The following TRHDE variants were observed in gnomAD, a reference collection of about 807,000 sequenced individuals.
TRHDE encodes the protein thyrotropin releasing hormone degrading enzyme, also known as thyrotropin-releasing hormone-degrading ectoenzyme.
A neutral mutation model predicts 125.7 loss-of-function variants in TRHDE; 72 were observed. The ratio of observed to expected loss-of-function variants is 0.57; its 90% CI spans 0.47 to 0.70. The LOEUF (loss-of-function observed/expected upper bound fraction) is 0.70, where lower values mean the gene tolerates loss of function less well. Ranked by LOEUF, TRHDE falls within the 30% of genes least tolerant of loss-of-function variation. TRHDE has a pLI of 0.00. For missense variants in TRHDE, 1,110 were observed against 1,327.1 expected (o/e 0.84, Z 2.54); for synonymous variants, 509 against 509.1 (o/e 1.00, Z 0.00).
intron 2 of TRHDE, among the ~76,000 whole-genome samples, chr12:72,129,066 A>G (rs1221964896): frequency 6.6e-6 from 1 of 152,244 alleles, no homozygotes; most frequent in Non-Finnish European, 1.5e-5. Flanking sequence ...GTACAGAGGA[A>G]CAAAGAATAG....
At chr12:72,318,609 T>C (rs900552480) in intron 2 of TRHDE, among the ~76,000 whole-genome samples, 4 of 152,158 alleles carry the variant, frequency 2.6e-5, no homozygotes, top group Admixed American at 2.6e-4. Context: ...TCCCAGGTGT[T>C]AGAAGCTTCT....
At chr12:72,196,347 A>C (rs371418623) in intron 2 of TRHDE, among the ~76,000 whole-genome samples, 1 of 152,120 alleles carries the variant, frequency 6.6e-6, no homozygotes, top group Non-Finnish European at 1.5e-5. Context: ...GAATCTTCCA[A>C]TCCATGAGCA....
At position 72,286,787 on chromosome 12, in the gene TRHDE, G is replaced by A; in HGVS notation, c.1021G>A (p.Ala341Thr). The A allele has an allele frequency of 1.2e-6, 2 of 1,613,738 alleles. No homozygotes were observed. The highest frequency in any genetic ancestry group is 1.7e-6 in the Non-Finnish European group (2 of 1,179,962). ...ATFKISIKHQ[A>T]TYLSLSNMPV... The stretch of plus-strand genomic sequence containing the variant: ...TTTCAAAATCAGCATCAAGCATCAA[G>A]CAACCTATTTATCTTTATCTAATAT... Residue 341 changes from alanine (A) to threonine (T), a missense_variant, in exon 2 of 19, where the codon GCA becomes ACA. Transcript: ENST00000261180.
In TRHDE at chr12:72,598,845, T is replaced by C. The variant is rs148959968; in HGVS notation, c.2322-20046T>C. 2.8e-3 allele frequency among the ~76,000 whole-genome samples: 432 copies of C among 152,230 alleles called. 4 individuals are homozygous for C. The highest frequency in any genetic ancestry group is 9.3e-3 in the African/African-American group (386 of 41,540). On this transcript the variant is annotated intron_variant, in intron 12 of 18. Coordinates refer to ENST00000261180, the MANE Select transcript of TRHDE (RefSeq NM_013381.3). ...CCCATCAGCCAGATAATGATCATAG[T>C]ACTCAACAGTAAGTTTTTTAACCCT...
intron 2 of TRHDE, among the ~76,000 whole-genome samples, chr12:72,108,438 A>G (rs2139293469): frequency 6.6e-6 from 1 of 152,250 alleles, no homozygotes; most frequent in South Asian, 2.1e-4. Context: ...CAAACTCAGA[A>G]CACTGATACA....
chr12:72,446,350 T>C (rs1433360759), intron 3 of TRHDE, among the ~76,000 whole-genome samples: 3 of 151,796 alleles, frequency 2.0e-5, no homozygotes, highest in Admixed American at 2.0e-4. Flanking sequence ...GGAGAGCTCC[T>C]GAAGGAAGCA....
At chr12:72,087,278 A>C (rs1874691533) in exon 1 of TRHDE, 1 of 152,198 alleles carries the variant, frequency 6.6e-6, no homozygotes, top group Non-Finnish European at 1.5e-5. Context: ...AAGAGAAGGC[A>C]TTCCTGACCC....
At chr12:72,359,372 G>C (rs1042539165) in intron 2 of TRHDE, among the ~76,000 whole-genome samples, 1 of 151,526 alleles carries the variant, frequency 6.6e-6, no homozygotes, top group East Asian at 1.9e-4. Context: ...ATCTTTCATG[G>C]CTCCTATTTG....
intron 15 of TRHDE, among the ~76,000 whole-genome samples, chr12:72,650,585 T>C (rs1357284958): frequency 6.6e-6 from 1 of 152,128 alleles, no homozygotes; most frequent in African/African-American, 2.4e-5. Flanking sequence ...AGTGTATTAA[T>C]TGCTTAATAA....
At chr12:72,341,860 A>C (rs556922740) in intron 2 of TRHDE, among the ~76,000 whole-genome samples, 2 of 152,274 alleles carry the variant, frequency 1.3e-5, no homozygotes, top group East Asian at 3.9e-4. Context: ...AGTCTTCTAA[A>C]AGTAACTTCT....
chr12:72,499,564 C>T lies in TRHDE; in HGVS notation c.1651C>T (p.His551Tyr). The T allele has an allele frequency of 6.2e-7, 1 of 1,613,922 alleles. No individual in the cohort carries two copies. Among genetic ancestry groups the T allele is most frequent in the South Asian group, 1.1e-5 (1 of 91,088 alleles). ...VMLLDGLASS[H>Y]PVSQEVLQAT... ...GCTGCTGGACGGTTTGGCCAGTTCC[C>T]ATCCAGTATCACAGGAAGTGCTGCA... Residue 551 changes from histidine (H) to tyrosine (Y), a missense_variant, in exon 6 of 19, where the codon CAT (histidine) becomes TAT (tyrosine). By Grantham distance (83) the His-to-Tyr change is moderately conservative (BLOSUM62 2). Coordinates refer to ENST00000261180, the MANE Select transcript of TRHDE (RefSeq NM_013381.3).
chr12:72,628,925 T>C (rs1293676229), intron 15 of TRHDE, among the ~76,000 whole-genome samples: 1 of 151,874 alleles, frequency 6.6e-6, no homozygotes, highest in Non-Finnish European at 1.5e-5. Flanking sequence ...TATTCCTTGC[T>C]ATTTAGAGAA....
At chr12:72,434,734 A>G (rs969136381) in intron 3 of TRHDE, among the ~76,000 whole-genome samples, 13 of 152,174 alleles carry the variant, frequency 8.5e-5, no homozygotes, top group Admixed American at 2.6e-4. Context: ...CTTCAGGAAA[A>G]TGAAAGGCTC....
intron 12 of TRHDE, among the ~76,000 whole-genome samples, chr12:72,614,676 A>G (rs921542992): frequency 6.6e-6 from 1 of 152,106 alleles, no homozygotes; most frequent in Admixed American, 6.6e-5. Flanking sequence ...GCTCCAAAGA[A>G]TCTGAGAATT....
chr12:72,134,670 C>G (rs947219468), intron 2 of TRHDE, among the ~76,000 whole-genome samples: 1 of 152,020 alleles, frequency 6.6e-6, no homozygotes, highest in Admixed American at 6.6e-5. Flanking sequence ...GGGAAAAACT[C>G]CTAATACGTA....
chr12:72,322,867 G>A (rs150518116), intron 2 of TRHDE, among the ~76,000 whole-genome samples: 5 of 152,182 alleles, frequency 3.3e-5, no homozygotes, highest in Non-Finnish European at 7.4e-5. Context: ...GTGGATATAG[G>A]GGGTGCAGAA....
At chr12:72,171,555 G>T (rs552292980) in intron 2 of TRHDE, among the ~76,000 whole-genome samples, 1 of 152,310 alleles carries the variant, frequency 6.6e-6, no homozygotes, top group South Asian at 2.1e-4. Flanking sequence ...TGGTATGAAA[G>T]ATTGTGCCCA....
At chr12:72,648,374 A>G (rs182955661) in intron 15 of TRHDE, among the ~76,000 whole-genome samples, 1 of 152,268 alleles carries the variant, frequency 6.6e-6, no homozygotes, top group Non-Finnish European at 1.5e-5. Flanking sequence ...CTTGTATTAA[A>G]CATAGTACTG....
chr12:72,594,486 G>C (rs1025671795), intron 12 of TRHDE, among the ~76,000 whole-genome samples: 21 of 147,486 alleles, frequency 1.4e-4, no homozygotes, highest in Non-Finnish European at 3.0e-4. Context: ...CTAAAGCTCT[G>C]GGATTACAGA....
Sources: gnomAD v4.1 joint callset for allele counts (sites outside exome capture counted in the v4.1 genomes callset) on GRCh38, gnomAD v4.1.1 for gene constraint, MANE v1.5 for transcripts, NCBI Gene and HGNC (gene_info 2026-07-23, HGNC 2026-07-21) for gene names.